Variants in KIAA1671 observed in about 807,000 individuals in gnomAD.
KIAA1671 encodes KIAA1671, also known as uncharacterized protein KIAA1671.
Under a neutral mutation model 131.2 loss-of-function variants are expected in KIAA1671, and 52 were observed. The observed-to-expected ratio is 0.40, with a 90% CI of 0.32 to 0.50. The LOEUF is 0.50. Ranked by LOEUF, KIAA1671 falls within the 20% of genes least tolerant of loss-of-function variation. The probability of loss-of-function intolerance (pLI) is 0.73; values close to 1 mark genes in which losing one functional copy is unlikely to be tolerated. For synonymous variants in KIAA1671, 1,003 were observed against 961.6 expected (o/e 1.04, Z -0.80); for missense variants, 2,360 against 2,364.2 (o/e 1.00, Z 0.04).
chr22:25,081,263 A>G (rs928963524), intron 6 of KIAA1671, among the ~76,000 whole-genome samples: 2 of 152,280 alleles, frequency 1.3e-5, no homozygotes, highest in South Asian at 2.1e-4. Flanking sequence ...CCTGTGCACA[A>G]TCTCCCAATT....
At chr22:25,070,790 CTGTG>C (rs1459497678) in intron 6 of KIAA1671, among the ~76,000 whole-genome samples, 4 of 152,168 alleles carry the variant, frequency 2.6e-5, no homozygotes, top group Admixed American at 1.3e-4. Flanking sequence ...CCTCTTGCCT[CTGTG>C]TGTGTAAGAA....
chr22:25,006,475 G>T (rs978969861), intron 1 of KIAA1671, among the ~76,000 whole-genome samples: 1 of 152,138 alleles, frequency 6.6e-6, no homozygotes, highest in Non-Finnish European at 1.5e-5. Flanking sequence ...TCGCCTGGGG[G>T]GCGACCGAGA....
chr22:25,185,168 A>G, intron 11 of KIAA1671, 49 bp downstream of exon 11: 3 of 1,502,566 alleles, frequency 2.0e-6, no homozygotes, highest in South Asian at 1.3e-5. Context: ...AACTCAGGCT[A>G]TACTTCTAGA....
chr22:25,120,728 C>A (rs1931894439), intron 6 of KIAA1671, among the ~76,000 whole-genome samples: 1 of 152,202 alleles, frequency 6.6e-6, no homozygotes, highest in African/African-American at 2.4e-5. Flanking sequence ...CCCCCCTCTT[C>A]CAAACAAAAT....
chr22:25,041,956 C>T (rs1453868769), intron 5 of KIAA1671, among the ~76,000 whole-genome samples: 1 of 152,076 alleles, frequency 6.6e-6, no homozygotes, highest in African/African-American at 2.4e-5. Context: ...GTTGCCCAGG[C>T]TGGTCTCAAA....
intron 6 of KIAA1671, among the ~76,000 whole-genome samples, chr22:25,080,782 C>G (rs542694814): frequency 6.6e-6 from 1 of 152,192 alleles, no homozygotes; most frequent in African/African-American, 2.4e-5. Context: ...TGTTAGTCCA[C>G]AGGGTCTTTG....
chr22:25,094,132 AGAG>A (rs1458477986), intron 6 of KIAA1671, among the ~76,000 whole-genome samples: 2 of 152,104 alleles, frequency 1.3e-5, no homozygotes, highest in Admixed American at 1.3e-4. Context: ...CCTTCTTGAG[AGAG>A]GAGTTTTTCT....
At position 25,159,317 on chromosome 22, in the gene KIAA1671, G is replaced by A. The variant is rs374055908; in HGVS notation, c.4531-11503G>A. Among the ~76,000 whole-genome samples, 22 of 152,262 alleles carry A rather than the reference G, an allele frequency of 1.4e-4. No homozygotes were observed. In the East Asian group the frequency reaches 3.9e-3, roughly 27 times the overall value. ...ATCATTTTGCAGCCTGCACACCACG[G>A]TGGATGACTCATCTGCCCTGCAGAG... On this transcript the variant is annotated intron_variant, in intron 6 of 12. Coordinates refer to ENST00000358431, the MANE Select transcript of KIAA1671 (RefSeq NM_001145206.2).
At chr22:25,021,999 C>T (rs1925697965) in intron 1 of KIAA1671, among the ~76,000 whole-genome samples, 1 of 152,024 alleles carries the variant, frequency 6.6e-6, no homozygotes, top group African/African-American at 2.4e-5. Context: ...TGGTCTCGAT[C>T]TCCTGACCTC....
At chr22:25,085,474 G>A (rs1199458370) in intron 6 of KIAA1671, among the ~76,000 whole-genome samples, 1 of 151,988 alleles carries the variant, frequency 6.6e-6, no homozygotes, top group Non-Finnish European at 1.5e-5. Flanking sequence ...ATTTCCAGCA[G>A]TTTCTCTCTC....
intron 6 of KIAA1671, among the ~76,000 whole-genome samples, chr22:25,100,824 A>G (rs992223325): frequency 1.3e-5 from 2 of 152,176 alleles, no homozygotes; most frequent in African/African-American, 4.8e-5. Context: ...GACACTCAAG[A>G]AAGTGCCTGT....
At chr22:25,155,231 A>G (rs1273092889) in intron 6 of KIAA1671, among the ~76,000 whole-genome samples, 2 of 152,168 alleles carry the variant, frequency 1.3e-5, no homozygotes, top group African/African-American at 2.4e-5. Flanking sequence ...TGGAGACACC[A>G]TGTTAATTCC....
intron 6 of KIAA1671, among the ~76,000 whole-genome samples, chr22:25,092,961 G>A (rs892414304): frequency 1.3e-5 from 2 of 152,162 alleles, no homozygotes; most frequent in South Asian, 4.1e-4. Flanking sequence ...GAACAGGGAG[G>A]GTGAGCTCAA....
intron 1 of KIAA1671, chr22:25,012,315 C>G (rs1354385904): frequency 6.6e-6 from 1 of 151,616 alleles, no homozygotes; most frequent in Non-Finnish European, 1.5e-5. Flanking sequence ...CTCTGTCACC[C>G]AGGCTGGAGT....
At chr22:25,130,412 C>T (rs972573589) in intron 6 of KIAA1671, among the ~76,000 whole-genome samples, 1 of 152,146 alleles carries the variant, frequency 6.6e-6, no homozygotes, top group African/African-American at 2.4e-5. Context: ...GAGAATCCAT[C>T]GTATTTGATC....
chr22:25,075,984 C>G (rs1929087795), intron 6 of KIAA1671, among the ~76,000 whole-genome samples: 1 of 151,844 alleles, frequency 6.6e-6, no homozygotes, highest in African/African-American at 2.4e-5. Context: ...CTGTGTTAGC[C>G]AGGCTCGTCT....
chr22:24,984,689 G>T (rs1602044442), intron 1 of KIAA1671, among the ~76,000 whole-genome samples: 1 of 152,000 alleles, frequency 6.6e-6, no homozygotes, highest in Non-Finnish European at 1.5e-5. Context: ...CGAGGTGGGC[G>T]GATCATGAGG....
intron 6 of KIAA1671, among the ~76,000 whole-genome samples, chr22:25,169,475 A>C (rs1391323807): frequency 2.0e-5 from 3 of 150,720 alleles, no homozygotes; most frequent in African/African-American, 7.3e-5. Flanking sequence ...TTCAAAGCTC[A>C]GGCAGCCAAG....
chr22:25,028,816 G>A lies in KIAA1671; in HGVS notation c.817G>A (p.Glu273Lys), dbSNP rs993909578. 1.0e-4 allele frequency: 162 copies of A among 1,551,024 alleles called. No homozygotes were observed. Among genetic ancestry groups the A allele is most frequent in the African/African-American group, 1.2e-4 (9 of 73,190 alleles). ...TVGKVPPTPP[E>K]KTWVRKPRPL... ...GGGCAAAGTGCCACCCACCCCTCCC[G>A]AGAAGACGTGGGTGAGGAAGCCCAG... is the stretch of plus-strand genomic sequence containing the variant. The change falls in exon 3 of 13, where the codon GAG becomes AAG. Residue 273 changes from glutamate to lysine, a missense_variant. Transcript: ENST00000358431.
Sources: allele counts gnomAD v4.1 joint callset (sites outside exome capture counted in the v4.1 genomes callset), GRCh38; gene constraint gnomAD v4.1.1; transcripts MANE v1.5; gene names NCBI Gene and HGNC (gene_info 2026-07-23, HGNC 2026-07-21).